P4HA1: variants seen among roughly 807,000 people sequenced by gnomAD.
P4HA1 encodes the protein prolyl 4-hydroxylase subunit alpha-1.
In P4HA1, 24 loss-of-function variants were observed where a neutral mutation model predicts 72.8. That is an observed-to-expected ratio of 0.33 (90% CI 0.24 to 0.46). The LOEUF is 0.46. P4HA1 is among the 20% of genes least tolerant of loss of function. P4HA1 has a pLI of 1.00. For missense variants in P4HA1, 446 were observed against 640.6 expected (o/e 0.70, Z 3.28); for synonymous variants, 201 against 218.8 (o/e 0.92, Z 0.72).
rs986113090 is a variant in P4HA1, at chr10:73,087,062, A to C, written c.-33+9704T>G. 5.3e-5 allele frequency among the ~76,000 whole-genome samples: 8 copies of C among 151,988 alleles called. No individual in the cohort carries two copies. The East Asian group carries it at 1.2e-3, about 22-fold the overall frequency. On this transcript the variant is annotated intron_variant, in intron 1 of 14. Transcript: ENST00000394890. ...TATTTACCTTCATAAAAAACTGCCA[A>C]ACGTTTCTCCAAAGTAGCTACACTA...
chr10:73,060,934 C>G (rs191877685), intron 5 of P4HA1, among the ~76,000 whole-genome samples: 81 of 152,228 alleles, frequency 5.3e-4, no homozygotes, highest in Admixed American at 4.6e-4. Flanking sequence ...TAGACTTACC[C>G]TGCCTTTCCT....
intron 5 of P4HA1, among the ~76,000 whole-genome samples, chr10:73,063,869 C>A (rs1252523867): frequency 6.6e-6 from 1 of 151,800 alleles, no homozygotes; most frequent in Non-Finnish European, 1.5e-5. Context: ...TAAAATAAAT[C>A]AAAAGTAATG....
intron 9 of P4HA1, among the ~76,000 whole-genome samples, chr10:73,039,697 C>T (rs1840687181): frequency 6.6e-6 from 1 of 152,120 alleles, no homozygotes; most frequent in African/African-American, 2.4e-5. Context: ...ATTATTACTT[C>T]CACTGAAAGT....
intron 12 of P4HA1, 28 bp downstream of exon 12, chr10:73,014,194 CTT>C: frequency 6.9e-7 from 1 of 1,455,510 alleles, no homozygotes; most frequent in Non-Finnish European, 9.6e-7. Context: ...CAAATCCCAA[CTT>C]AATCTAAAAA....
intron 1 of P4HA1, among the ~76,000 whole-genome samples, chr10:73,088,869 A>C (rs1361812990): frequency 6.6e-6 from 1 of 152,240 alleles, no homozygotes; most frequent in Non-Finnish European, 1.5e-5. Context: ...CTTTTCTCCA[A>C]TACCACAGTC....
intron 9 of P4HA1, chr10:73,043,903 A>G: frequency 1.2e-6 from 2 of 1,611,276 alleles, no homozygotes; most frequent in Non-Finnish European, 1.7e-6. Context: ...GATACTCTGT[A>G]CTGTGCTGTG....
At chr10:73,029,147 C>G (rs569124168) in intron 10 of P4HA1, among the ~76,000 whole-genome samples, 1 of 151,806 alleles carries the variant, frequency 6.6e-6, no homozygotes, top group Non-Finnish European at 1.5e-5. Flanking sequence ...CAGTGCCTCA[C>G]GCCTGTGTAA....
At chr10:73,059,836 T>A (rs796574712) in intron 5 of P4HA1, among the ~76,000 whole-genome samples, 16 of 152,108 alleles carry the variant, frequency 1.1e-4, no homozygotes, top group African/African-American at 3.4e-4. Context: ...GCCTAACTAT[T>A]TGGGAGGCTG....
intron 10 of P4HA1, among the ~76,000 whole-genome samples, chr10:73,024,343 CAA>C (rs1840212425): frequency 6.6e-6 from 1 of 152,238 alleles, no homozygotes; most frequent in Non-Finnish European, 1.5e-5. Context: ...GAAACTCACT[CAA>C]AACCACACAA....
At chr10:73,030,550 G>C (rs879577722) in intron 9 of P4HA1, among the ~76,000 whole-genome samples, 180 bp from the exon 10 acceptor site, 5 of 151,772 alleles carry the variant, frequency 3.3e-5, no homozygotes, top group Admixed American at 6.6e-5. Flanking sequence ...TTTTTTAAAT[G>C]TCACATTCTA....
chr10:73,093,447 G>A (rs1202530732), intron 1 of P4HA1, among the ~76,000 whole-genome samples: 3 of 152,032 alleles, frequency 2.0e-5, no homozygotes, highest in Non-Finnish European at 4.4e-5. Flanking sequence ...AATTGCCAAA[G>A]CTTTTCTTTA....
At chr10:73,023,808 G>GAAAAAAAAA (rs1229563598) in intron 10 of P4HA1, among the ~76,000 whole-genome samples, 3 of 85,194 alleles carry the variant, frequency 3.5e-5, no homozygotes, top group African/African-American at 3.5e-5. Flanking sequence ...CAAATGGAAA[G>GAAAAAAAAA]AAAAAAAAAA....
At chr10:73,090,958 A>G (rs1402682427) in intron 1 of P4HA1, among the ~76,000 whole-genome samples, 1 of 146,208 alleles carries the variant, frequency 6.8e-6, no homozygotes, top group East Asian at 2.1e-4. Context: ...GCTACTCGGG[A>G]GGCTGAGGCA....
chr10:73,069,347 C>T (rs918520787), intron 4 of P4HA1, among the ~76,000 whole-genome samples: 6 of 152,116 alleles, frequency 3.9e-5, no homozygotes, highest in Non-Finnish European at 7.4e-5. Flanking sequence ...TCTGAAATGA[C>T]ATTCATTGAC....
chr10:73,085,759 C>T (rs1841912981), intron 1 of P4HA1, among the ~76,000 whole-genome samples: 1 of 152,172 alleles, frequency 6.6e-6, no homozygotes, highest in African/African-American at 2.4e-5. Flanking sequence ...AGATGTTCAA[C>T]ATCATTCATC....
chr10:73,013,968 T>C (rs1839963216), intron 12 of P4HA1, among the ~76,000 whole-genome samples: 1 of 152,188 alleles, frequency 6.6e-6, no homozygotes, highest in African/African-American at 2.4e-5. Flanking sequence ...AGAGAGACTA[T>C]ATGTTAAAAT....
intron 9 of P4HA1, among the ~76,000 whole-genome samples, chr10:73,031,096 A>C (rs1840423060): frequency 6.6e-6 from 1 of 152,232 alleles, no homozygotes; most frequent in South Asian, 2.1e-4. Flanking sequence ...ATAATAGCCA[A>C]AAAGTAGAAA....
intron 1 of P4HA1, among the ~76,000 whole-genome samples, chr10:73,080,853 G>A (rs1554843023): frequency 6.6e-6 from 1 of 152,108 alleles, no homozygotes; most frequent in Non-Finnish European, 1.5e-5. Flanking sequence ...ACTTGAACCC[G>A]GGAGGTGGAG....
chr10:73,068,296 A>G (rs1841473592), intron 5 of P4HA1, among the ~76,000 whole-genome samples: 1 of 152,184 alleles, frequency 6.6e-6, no homozygotes, highest in African/African-American at 2.4e-5. Context: ...ATAACAGGAG[A>G]TAGTAGTGGT....
Sources: gnomAD v4.1 joint callset for allele counts (sites outside exome capture counted in the v4.1 genomes callset) on GRCh38, gnomAD v4.1.1 for gene constraint, MANE v1.5 for transcripts, NCBI Gene and HGNC (gene_info 2026-07-23, HGNC 2026-07-21) for gene names.